The following SLC8A3 variants were observed in gnomAD, a reference collection of about 807,000 sequenced individuals.
SLC8A3 encodes the protein solute carrier family 8 member A3, also known as sodium/calcium exchanger 3.
Under a neutral mutation model 65.4 loss-of-function variants are expected in SLC8A3, and 37 were observed. The ratio of observed to expected loss-of-function variants is 0.57; its 90% CI spans 0.44 to 0.74. The LOEUF is 0.74. Ranked by LOEUF, SLC8A3 falls within the 30% of genes least tolerant of loss-of-function variation. The pLI, the probability that SLC8A3 is intolerant of heterozygous loss-of-function variation, is 0.00. For synonymous variants in SLC8A3, 461 were observed against 444.5 expected (o/e 1.04, Z -0.47); for missense variants, 1,112 against 1,172.1 (o/e 0.95, Z 0.75).
chr14:70,085,779 T>C (rs1272319727), intron 2 of SLC8A3, among the ~76,000 whole-genome samples: 2 of 152,238 alleles, frequency 1.3e-5, no homozygotes, highest in African/African-American at 4.8e-5. Context: ...AAATAACAGC[T>C]AATACTTACA....
At chr14:70,146,438 T>C (rs1362509560) in intron 2 of SLC8A3, among the ~76,000 whole-genome samples, 4 of 152,022 alleles carry the variant, frequency 2.6e-5, no homozygotes, top group Non-Finnish European at 5.9e-5. Flanking sequence ...TTGGGAGACA[T>C]ATTGAGGAGA....
At chr14:70,048,676 G>T in intron 6 of SLC8A3, 91 bp downstream of exon 6, 1 of 1,130,622 alleles carries the variant, frequency 8.8e-7, no homozygotes, top group Non-Finnish European at 1.3e-6. Flanking sequence ...GTTCAGATCT[G>T]AGATGGTGTG....
chr14:70,167,016 A>G lies in SLC8A3; in HGVS notation c.1407T>C (p.Ile469=), dbSNP rs767014978. ...CATCCTCCTCAAAAATGTCGTCATC[A>G]ATTATGCCCACGGAGAACTCCTTCT... is the stretch of plus-strand genomic sequence containing the variant. ...ETQKEFSVGI[I]DDDIFEEDEH... Residue 469 remains isoleucine, a synonymous_variant, in exon 2 of 7, where the codon ATT becomes ATC. Transcript: ENST00000356921. 3.1e-6 allele frequency: 5 copies of G among 1,613,880 alleles called. No homozygotes were observed. In the East Asian group the frequency reaches 1.1e-4, roughly 36 times the overall value.
intron 2 of SLC8A3, among the ~76,000 whole-genome samples, chr14:70,081,645 C>T (rs1364472529): frequency 1.3e-5 from 2 of 152,202 alleles, no homozygotes; most frequent in East Asian, 3.9e-4. Flanking sequence ...TGCCTAACAG[C>T]AGATACAAGG....
chr14:70,182,294 G>A (rs144923738), intron 1 of SLC8A3, among the ~76,000 whole-genome samples: 1 of 152,288 alleles, frequency 6.6e-6, no homozygotes, highest in East Asian at 1.9e-4. Context: ...TGTGCACACG[G>A]CTGGAAACAA....
chr14:70,155,808 T>A (rs191767484), intron 2 of SLC8A3, among the ~76,000 whole-genome samples: 1 of 152,326 alleles, frequency 6.6e-6, no homozygotes, highest in African/African-American at 2.4e-5. Context: ...GAGTGCCCAA[T>A]AATTTCAAAG....
chr14:70,158,657 G>A (rs1896715490), intron 2 of SLC8A3, among the ~76,000 whole-genome samples: 1 of 152,158 alleles, frequency 6.6e-6, no homozygotes, highest in African/African-American at 2.4e-5. Context: ...ACCTATGTAT[G>A]TTAATCCTTA....
chr14:70,172,971 A>G (rs1488717969), intron 1 of SLC8A3, among the ~76,000 whole-genome samples: 3 of 152,154 alleles, frequency 2.0e-5, no homozygotes, highest in Non-Finnish European at 4.4e-5. Flanking sequence ...ACATGGAAAC[A>G]TGATGGAAAA....
At chr14:70,149,840 G>A (rs963020950) in intron 2 of SLC8A3, among the ~76,000 whole-genome samples, 4 of 151,776 alleles carry the variant, frequency 2.6e-5, no homozygotes, top group East Asian at 3.9e-4. Flanking sequence ...AGTCCATAAC[G>A]TCCACATCGG....
At chr14:70,050,649 C>A (rs563405955) in intron 5 of SLC8A3, among the ~76,000 whole-genome samples, 1 of 152,222 alleles carries the variant, frequency 6.6e-6, no homozygotes, top group Non-Finnish European at 1.5e-5. Flanking sequence ...CGGGACCAAA[C>A]CCATGAAAAG....
intron 3 of SLC8A3, among the ~76,000 whole-genome samples, chr14:70,056,990 A>G (rs1192115374): frequency 6.6e-6 from 1 of 152,130 alleles, no homozygotes; most frequent in Non-Finnish European, 1.5e-5. Flanking sequence ...AGCTTGCCAC[A>G]TATTCAACGT....
chr14:70,045,897 C>T lies in SLC8A3; in HGVS notation c.*50G>A. On this transcript the variant is annotated 3_prime_UTR_variant, in exon 7 of 7. Coordinates refer to ENST00000356921, the MANE Select transcript of SLC8A3 (RefSeq NM_182932.3). Reference sequence around the variant, plus strand: ...AGATCACTGGTGGGGAAGTGCCCTTCTCTTAGGAGAAGTCCTAGGCCTGCC... The same window carrying T: ...AGATCACTGGTGGGGAAGTGCCCTTTTCTTAGGAGAAGTCCTAGGCCTGCC... The T allele has an allele frequency of 3.3e-6, 5 of 1,497,244 alleles. No individual in the cohort carries two copies. Among genetic ancestry groups the T allele is most frequent in the Non-Finnish European group, 4.5e-6 (5 of 1,118,438 alleles). 92.7% of individuals were successfully genotyped at this position (1,497,244 alleles called of 1,614,324 possible).
chr14:70,083,826 T>A (rs1357861759), intron 2 of SLC8A3, among the ~76,000 whole-genome samples: 1 of 152,184 alleles, frequency 6.6e-6, no homozygotes, highest in Admixed American at 6.5e-5. Context: ...GGGATCTTTT[T>A]AATACTCTAT....
chr14:70,185,234 T>C (rs1193701693), intron 1 of SLC8A3, among the ~76,000 whole-genome samples: 1 of 152,258 alleles, frequency 6.6e-6, no homozygotes, highest in Non-Finnish European at 1.5e-5. Context: ...CCCAAAGTGC[T>C]GGGATTACAG....
chr14:70,130,254 T>C (rs901774149), intron 2 of SLC8A3, among the ~76,000 whole-genome samples: 1 of 152,216 alleles, frequency 6.6e-6, no homozygotes, highest in African/African-American at 2.4e-5. Context: ...ATAACTTTCC[T>C]TAAGGATTTA....
chr14:70,182,009 A>C (rs1309203765), intron 1 of SLC8A3, among the ~76,000 whole-genome samples: 1 of 152,184 alleles, frequency 6.6e-6, no homozygotes, highest in Non-Finnish European at 1.5e-5. Context: ...CATTATTATT[A>C]TTTTTATACA....
chr14:70,055,893 G>A, intron 3 of SLC8A3: 5 of 1,325,884 alleles, frequency 3.8e-6, no homozygotes, highest in Non-Finnish European at 4.2e-6. Flanking sequence ...GTATCACCAG[G>A]TTTTGTGGTT....
At chr14:70,049,115 A>C in intron 5 of SLC8A3, 73 bp from the exon 6 acceptor site, 1 of 1,423,372 alleles carries the variant, frequency 7.0e-7, no homozygotes, top group Non-Finnish European at 9.6e-7. Flanking sequence ...GTCAAGCCCA[A>C]CCCGCACCAC....
chr14:70,172,521 C>G (rs894105208), intron 1 of SLC8A3, among the ~76,000 whole-genome samples: 2 of 152,112 alleles, frequency 1.3e-5, no homozygotes, highest in Non-Finnish European at 2.9e-5. Flanking sequence ...AGAGGAGAAA[C>G]TTACTGTTTC....
Sources: allele counts gnomAD v4.1 joint callset (sites outside exome capture counted in the v4.1 genomes callset), GRCh38; gene constraint gnomAD v4.1.1; transcripts MANE v1.5; gene names NCBI Gene and HGNC (gene_info 2026-07-23, HGNC 2026-07-21).